The following UBAP1 variants were observed in gnomAD, a reference collection of about 807,000 sequenced individuals.
The protein encoded by UBAP1 is ubiquitin associated protein 1.
Under a neutral mutation model 39.0 loss-of-function variants are expected in UBAP1, and 5 were observed. That is an observed-to-expected ratio of 0.13 (90% CI 0.07 to 0.27). The LOEUF (loss-of-function observed/expected upper bound fraction) is 0.27, where lower values mean the gene tolerates loss of function less well. UBAP1 is among the 10% of genes least tolerant of loss of function. UBAP1 has a pLI of 1.00. For synonymous variants in UBAP1, 211 were observed against 225.1 expected (o/e 0.94, Z 0.56); for missense variants, 490 against 608.1 (o/e 0.81, Z 2.04).
intron 4 of UBAP1, among the ~76,000 whole-genome samples, chr9:34,247,079 A>G (rs183336198): frequency 2.1e-4 from 32 of 152,326 alleles, no homozygotes; most frequent in Middle Eastern, 6.8e-3. Flanking sequence ...AGTCATATCT[A>G]GATTACTCCT....
At chr9:34,205,719 C>T (rs1348923661) in intron 1 of UBAP1, among the ~76,000 whole-genome samples, 1 of 152,120 alleles carries the variant, frequency 6.6e-6, no homozygotes, top group African/African-American at 2.4e-5. Flanking sequence ...GTTGGCAGGA[C>T]GTGGTGGCTC....
chr9:34,247,975 C>T (rs1044185299), intron 4 of UBAP1, among the ~76,000 whole-genome samples: 1 of 151,980 alleles, frequency 6.6e-6, no homozygotes, highest in African/African-American at 2.4e-5. Context: ...TTACCTAAAG[C>T]ATACCAAATA....
rs1830287930 is a variant in UBAP1, at chr9:34,184,676, G to A, written c.-8+5436G>A. Among the ~76,000 whole-genome samples, 3 of 148,964 alleles carry A rather than the reference G, an allele frequency of 2.0e-5. 1 individual carries two copies. The South Asian group carries it at 6.4e-4, about 32-fold the overall frequency. ...TCTCGCTCTGTTGCCAGGCTGGAGT[G>A]CAGTGGCACAATCTCGGCTCACTGT... On this transcript the variant is annotated intron_variant, in intron 1 of 6. Transcript: ENST00000297661.
At position 34,231,222 on chromosome 9, in the gene UBAP1, CTTTA is replaced by C. The variant is rs557552973; in HGVS notation, c.35-2978_35-2975del. 6.1e-5 allele frequency among the ~76,000 whole-genome samples: 9 copies of C among 148,418 alleles called. 1 individual carries two copies. The highest frequency in any genetic ancestry group is 4.3e-4 in the South Asian group (2 of 4,640). On this transcript the variant is annotated intron_variant, in intron 2 of 6. Transcript: ENST00000297661. Reference sequence around the variant, plus strand: ...ATCCAGAAGAAGTATAAAAGCATGTCTTTATTTATTTATTTATTTTGAGATGGAG... The same window carrying C: ...ATCCAGAAGAAGTATAAAAGCATGTCTTTATTTATTTATTTTGAGATGGAG...
chr9:34,199,910 T>G (rs973008618), intron 1 of UBAP1, among the ~76,000 whole-genome samples: 1 of 151,418 alleles, frequency 6.6e-6, no homozygotes, highest in African/African-American at 2.4e-5. Flanking sequence ...CCTTGCAAAG[T>G]ACTGAGATTA....
intron 1 of UBAP1, among the ~76,000 whole-genome samples, chr9:34,214,275 A>G (rs547461440): frequency 6.6e-6 from 1 of 152,260 alleles, no homozygotes; most frequent in East Asian, 1.9e-4. Context: ...AAACTATACT[A>G]TAAGGCCATA....
intron 3 of UBAP1, among the ~76,000 whole-genome samples, chr9:34,236,647 A>G (rs1475931891): frequency 6.6e-6 from 1 of 151,844 alleles, no homozygotes; most frequent in Non-Finnish European, 1.5e-5. Flanking sequence ...TCAGTCACTC[A>G]AGTTAGATTT....
Position 34,250,726 on chromosome 9 carries a change from G to C in UBAP1, c.1335G>C (p.Glu445Asp), listed in dbSNP as rs1211564187. The C allele has an allele frequency of 6.2e-7, 1 of 1,613,708 alleles. No homozygotes were observed. The highest frequency in any genetic ancestry group is 2.2e-5 in the East Asian group (1 of 44,866). ...GCTTCGACCCTCTTTTAGTGGAAGAGGCTCTGGAAATGCACCAGTGTTCAG... is the reference window on the plus strand; with the variant it reads ...GCTTCGACCCTCTTTTAGTGGAAGACGCTCTGGAAATGCACCAGTGTTCAG... ...EKGFDPLLVE[E>D]ALEMHQCSEE... is the part of the protein sequence containing the mutation. Residue 445 changes from glutamate to aspartate, a missense_variant, in exon 6 of 7, where the codon GAG becomes GAC. Around this residue, in one of 3 missense-constraint regions of UBAP1, gnomAD observed 339 missense variants for 390.0 expected, o/e 0.87. Coordinates refer to ENST00000297661, the MANE Select transcript of UBAP1 (RefSeq NM_016525.5).
intron 1 of UBAP1, among the ~76,000 whole-genome samples, chr9:34,209,702 ATTT>A (rs4008754): frequency 1.0e-4 from 15 of 150,698 alleles, no homozygotes; most frequent in East Asian, 5.8e-4. Context: ...TTAGTTACCT[ATTT>A]TTTTTTTTGT....
Position 34,249,929 on chromosome 9 carries a change from G to A in UBAP1, c.1234G>A (p.Ala412Thr). 6.2e-7 allele frequency: 1 copy of A among 1,614,190 alleles called. No individual in the cohort carries two copies. The highest frequency in any genetic ancestry group is 8.5e-7 in the Non-Finnish European group (1 of 1,180,034). ...CTACTCGTACGAGTGTGTCCTCAGAGCCATGAAGAAGAAAGGAGAGAATAT... is the reference window on the plus strand; with the variant it reads ...CTACTCGTACGAGTGTGTCCTCAGAACCATGAAGAAGAAAGGAGAGAATAT... ...MGYSYECVLR[A>T]MKKKGENIEQ... is the part of the protein sequence containing the mutation. Residue 412 changes from alanine to threonine, a missense_variant, in exon 5 of 7, where the codon GCC becomes ACC. Ala to Thr is a moderately conservative substitution (Grantham distance 58, BLOSUM62 0). This residue lies in a region of UBAP1 where 339 missense variants were observed against 390.0 expected (regional missense o/e 0.87). Coordinates refer to ENST00000297661, the MANE Select transcript of UBAP1 (RefSeq NM_016525.5).
At chr9:34,239,928 T>G (rs1833877592) in intron 3 of UBAP1, among the ~76,000 whole-genome samples, 1 of 152,216 alleles carries the variant, frequency 6.6e-6, no homozygotes, top group South Asian at 2.1e-4. Flanking sequence ...TTTTCTGCGT[T>G]CCAAGTATTC....
At chr9:34,189,342 C>A (rs758035291) in intron 1 of UBAP1, among the ~76,000 whole-genome samples, 169 of 152,004 alleles carry the variant, frequency 1.1e-3, no homozygotes, top group Middle Eastern at 3.4e-3. Context: ...GCACGTGCCA[C>A]CATGCCTGGC....
chr9:34,232,745 A>G (rs1833494842), intron 2 of UBAP1, among the ~76,000 whole-genome samples: 1 of 152,234 alleles, frequency 6.6e-6, no homozygotes, highest in South Asian at 2.1e-4. Flanking sequence ...TGGAAGAGGT[A>G]TAATTGTCTT....
At chr9:34,202,141 C>T (rs1235780604) in intron 1 of UBAP1, among the ~76,000 whole-genome samples, 1 of 152,076 alleles carries the variant, frequency 6.6e-6, no homozygotes, top group Non-Finnish European at 1.5e-5. Flanking sequence ...GTTAGCATTC[C>T]TTCTCCCAGA....
In UBAP1 at chr9:34,179,059, A is replaced by G. The variant is rs950029121; in HGVS notation, c.-189A>G. 2 of 1,279,750 alleles carry G rather than the reference A, an allele frequency of 1.6e-6. No homozygotes were observed. Among genetic ancestry groups the G allele is most frequent in the Admixed American group, 3.9e-5 (1 of 25,700 alleles). The allele number at this position is 1,279,750 out of a possible 1,614,324, so 79.3% of individuals were successfully genotyped here. A position where few individuals can be genotyped will look rare whatever the true frequency, so the allele number is the denominator to read the frequency against. ...GAAGGAGGAGGGAAGTAGGACTTCA[A>G]CATGGCGGCTGCGGCACTGGCGGTG... On this transcript the variant is annotated 5_prime_UTR_variant, in exon 1 of 7. Coordinates refer to ENST00000297661, the MANE Select transcript of UBAP1 (RefSeq NM_016525.5).
chr9:34,226,676 G>C (rs956609649), intron 2 of UBAP1, among the ~76,000 whole-genome samples: 2 of 152,148 alleles, frequency 1.3e-5, no homozygotes, highest in African/African-American at 4.8e-5. Context: ...ATATGCATTA[G>C]GTTGTTTGGT....
At chr9:34,195,675 G>A (rs543164835) in intron 1 of UBAP1, among the ~76,000 whole-genome samples, 6 of 150,420 alleles carry the variant, frequency 4.0e-5, no homozygotes, top group African/African-American at 1.5e-4. Context: ...TCGGCTCACC[G>A]CAACCTCCGC....
chr9:34,194,246 T>C (rs1393233719), intron 1 of UBAP1, among the ~76,000 whole-genome samples: 1 of 152,176 alleles, frequency 6.6e-6, no homozygotes, highest in Non-Finnish European at 1.5e-5. Flanking sequence ...TAAAAAATTA[T>C]ATTGCTAAGA....
At chr9:34,209,677 A>G in intron 1 of UBAP1, among the ~76,000 whole-genome samples, 1 of 150,764 alleles carries the variant, frequency 6.6e-6, no homozygotes, top group East Asian at 2.0e-4. Flanking sequence ...CTCTCTCTGA[A>G]GTCGTTATCT....
Sources: gnomAD v4.1 joint callset for allele counts (sites outside exome capture counted in the v4.1 genomes callset) on GRCh38, gnomAD v4.1.1 for gene constraint, gnomAD v4.1.1 regional missense constraint, MANE v1.5 for transcripts, NCBI Gene and HGNC (gene_info 2026-07-23, HGNC 2026-07-21) for gene names.